The following ZNF507 variants were observed in gnomAD, a reference collection of about 807,000 sequenced individuals.
ZNF507 encodes the protein zinc finger protein 507.
A neutral mutation model predicts 80.0 loss-of-function variants in ZNF507; 29 were observed. That is an observed-to-expected ratio of 0.36 (90% CI 0.27 to 0.49). ZNF507 has a LOEUF of 0.49. Ranked by LOEUF, ZNF507 falls within the 20% of genes least tolerant of loss-of-function variation. The pLI, the probability that ZNF507 is intolerant of heterozygous loss-of-function variation, is 0.98. For missense variants in ZNF507, 1,081 were observed against 1,152.2 expected (o/e 0.94, Z 0.90); for synonymous variants, 462 against 422.5 (o/e 1.09, Z -1.15).
intron 5 of ZNF507, among the ~76,000 whole-genome samples, chr19:32,376,513 G>A (rs1003963016): frequency 6.6e-6 from 1 of 152,208 alleles, no homozygotes; most frequent in African/African-American, 2.4e-5. Context: ...AGGTGTGGCA[G>A]CAGGACACGG....
intron 4 of ZNF507, chr19:32,358,864 CTG>C (rs750429390): frequency 3.3e-5 from 5 of 152,136 alleles, no homozygotes; most frequent in Non-Finnish European, 7.3e-5. Flanking sequence ...GATGAGAAAA[CTG>C]AGACTTCAAG....
intron 2 of ZNF507, among the ~76,000 whole-genome samples, 190 bp downstream of exon 2, chr19:32,347,528 A>G (rs188953047): frequency 6.6e-6 from 1 of 152,332 alleles, no homozygotes; most frequent in African/African-American, 2.4e-5. Context: ...ATTAAGATGA[A>G]AATTGGTGTA....
Position 32,354,088 on chromosome 19 carries a change from A to G in ZNF507, c.1258A>G (p.Met420Val), listed in dbSNP as rs1355784909. 5 of 1,613,876 alleles carry G rather than the reference A, an allele frequency of 3.1e-6. No homozygotes were observed. The Admixed American group carries it at 6.7e-5, about 22-fold the overall frequency. The change falls in exon 3 of 7, where the codon ATG becomes GTG. Residue 420 changes from methionine (M) to valine (V), a missense_variant. Met to Val is a conservative substitution (Grantham distance 21, BLOSUM62 1). Transcript: ENST00000355898. Reference protein sequence around the residue: ...SQKRFLMNTEMEEGKDLSLTE... With the variant: ...SQKRFLMNTEVEEGKDLSLTE... ...GAAGCGCTTCCTCATGAACACTGAAATGGAAGAAGGGAAGGACCTGAGCCT... is the reference window on the plus strand; with the variant it reads ...GAAGCGCTTCCTCATGAACACTGAAGTGGAAGAAGGGAAGGACCTGAGCCT...
In ZNF507 at chr19:32,384,083, T is replaced by C. The variant is rs1228898066; in HGVS notation, c.*1000T>C. Reference sequence around the variant, plus strand: ...GCTCCTGAAAATGAGTACTGCTGTGTTGAGCTTTTCTTTCCTGGGGTATAT... The same window carrying C: ...GCTCCTGAAAATGAGTACTGCTGTGCTGAGCTTTTCTTTCCTGGGGTATAT... On this transcript the variant is annotated 3_prime_UTR_variant, in exon 7 of 7. Coordinates refer to ENST00000355898, the MANE Select transcript of ZNF507 (RefSeq NM_001136156.2). 1.3e-5 allele frequency: 2 copies of C among 152,242 alleles called. No homozygotes were observed. Among genetic ancestry groups the C allele is most frequent in the African/African-American group, 2.4e-5 (1 of 41,462 alleles). 9.4% of individuals were successfully genotyped at this position (152,242 alleles called of 1,614,324 possible).
chr19:32,372,032 T>C (rs1394055225), intron 5 of ZNF507, among the ~76,000 whole-genome samples: 1 of 152,188 alleles, frequency 6.6e-6, no homozygotes, highest in Non-Finnish European at 1.5e-5. Context: ...GCAAGATAAT[T>C]TGTTATAGCA....
At chr19:32,347,114 T>G (rs564059990) in intron 1 of ZNF507, 131 bp from the exon 2 acceptor site, 2 of 152,376 alleles carry the variant, frequency 1.3e-5, no homozygotes, top group Middle Eastern at 3.4e-3. Context: ...TAGGGTTGCA[T>G]GAACATTCCT....
chr19:32,360,374 CAGTG>C, intron 4 of ZNF507, 126 bp from the exon 5 acceptor site: 1 of 484,692 alleles, frequency 2.1e-6, no homozygotes, highest in South Asian at 4.9e-5. Flanking sequence ...CTTGTTAAAA[CAGTG>C]AGAAAGCCGT....
Position 32,349,380 on chromosome 19 carries a change from C to A in ZNF507, c.-3+2042C>A, listed in dbSNP as rs571402778. Reference sequence around the variant, plus strand: ...TGGCATGCTGCCCATCCTTTGGGAACCAGTGGACATCTTACCTCTCCATGA... The same window carrying A: ...TGGCATGCTGCCCATCCTTTGGGAAACAGTGGACATCTTACCTCTCCATGA... On this transcript the variant is annotated intron_variant, in intron 2 of 6. Transcript: ENST00000355898. 2.0e-5 allele frequency among the ~76,000 whole-genome samples: 3 copies of A among 152,322 alleles called. No individual in the cohort carries two copies. In the East Asian group the frequency reaches 5.8e-4, roughly 29 times the overall value.
At chr19:32,368,408 C>T (rs1422083230) in intron 5 of ZNF507, among the ~76,000 whole-genome samples, 1 of 152,170 alleles carries the variant, frequency 6.6e-6, no homozygotes, top group African/African-American at 2.4e-5. Context: ...CATGATTTCT[C>T]CTTGTGGACT....
intron 5 of ZNF507, among the ~76,000 whole-genome samples, chr19:32,376,916 GGAGA>G (rs1233254713): frequency 2.0e-5 from 3 of 151,702 alleles, no homozygotes; most frequent in Non-Finnish European, 2.9e-5. Context: ...AGAGAGAGAG[GGAGA>G]GAGAGAGAGA....
intron 3 of ZNF507, among the ~76,000 whole-genome samples, chr19:32,355,255 GATTGACATACGTTTGACTTAACGT>G (rs555714508): frequency 6.0e-4 from 91 of 152,300 alleles, no homozygotes; most frequent in African/African-American, 1.8e-3. Context: ...GTGTATAGTG[GATTGACATACGTTTGACTTAACGT>G]ATTGACATAC....
intron 3 of ZNF507, among the ~76,000 whole-genome samples, chr19:32,355,544 C>G (rs920040828): frequency 2.6e-5 from 4 of 152,152 alleles, no homozygotes; most frequent in Non-Finnish European, 4.4e-5. Context: ...TGATTTTTAT[C>G]TTAAGTGCTG....
intron 3 of ZNF507, among the ~76,000 whole-genome samples, chr19:32,356,088 C>T (rs1474972345): frequency 6.6e-6 from 1 of 152,164 alleles, no homozygotes; most frequent in Non-Finnish European, 1.5e-5. Context: ...GTAGGATGTC[C>T]ACATAGGCTG....
At chr19:32,352,447 G>T (rs1967181747) in intron 2 of ZNF507, among the ~76,000 whole-genome samples, 1 of 150,860 alleles carries the variant, frequency 6.6e-6, no homozygotes, top group Non-Finnish European at 1.5e-5. Flanking sequence ...GAGAATGGCT[G>T]TGCTCCTTTA....
At chr19:32,364,586 T>C (rs941124856) in intron 5 of ZNF507, among the ~76,000 whole-genome samples, 2 of 152,230 alleles carry the variant, frequency 1.3e-5, no homozygotes, top group African/African-American at 4.8e-5. Flanking sequence ...ACATACGATG[T>C]TTGGTTTTCC....
intron 5 of ZNF507, among the ~76,000 whole-genome samples, chr19:32,361,997 C>T (rs1388699438): frequency 2.6e-5 from 4 of 151,498 alleles, no homozygotes. Context: ...CACCTCACGG[C>T]AACCTCCGCC....
Position 32,350,200 on chromosome 19 carries a change from C to CT in ZNF507, c.-2-2613dup, listed in dbSNP as rs11354466. On this transcript the variant is annotated intron_variant, in intron 2 of 6. Transcript: ENST00000355898. ...CTTTATTATCAGCTGTTTATCTAAC[C>CT]TTTTTTTTTTTTTTTTAACAGAGAC... 2.4e-3 allele frequency among the ~76,000 whole-genome samples: 342 copies of CT among 141,468 alleles called. 4 individuals are homozygous for CT. Among genetic ancestry groups the CT allele is most frequent in the East Asian group, 0.017 (82 of 4,820 alleles). 92.8% of individuals were successfully genotyped at this position (141,468 alleles called of 152,430 possible).
chr19:32,354,717 TGTG>T lies in ZNF507; in HGVS notation c.1892_1894del (p.Val631del), dbSNP rs781728968. 1.9e-6 allele frequency: 3 copies of T among 1,614,156 alleles called. No individual in the cohort carries two copies. The highest frequency in any genetic ancestry group is 2.5e-6 in the Non-Finnish European group (3 of 1,180,032). ...GCGATACAAGTTTGTCCGGAAACAA[TGTG>T]GTGGAATACATCCCGAATGCTGAAC... On this transcript the variant is annotated inframe_deletion, in exon 3 of 7. Transcript: ENST00000355898.
At chr19:32,355,054 A>T (rs1162418370) in intron 3 of ZNF507, 97 bp downstream of exon 3, 1 of 1,237,236 alleles carries the variant, frequency 8.1e-7, no homozygotes, top group African/African-American at 1.5e-5. Flanking sequence ...TTTTATAGAT[A>T]AGGAAACTGG....
Sources: gnomAD v4.1 joint callset for allele counts (sites outside exome capture counted in the v4.1 genomes callset) on GRCh38, gnomAD v4.1.1 for gene constraint, MANE v1.5 for transcripts, NCBI Gene and HGNC (gene_info 2026-07-23, HGNC 2026-07-21) for gene names.